Variants in TAGLN3 observed in about 807,000 individuals in gnomAD.
TAGLN3 encodes the protein transgelin 3.
TAGLN3 carries 12 observed loss-of-function variants against 25.4 expected under a neutral mutation model. That is an observed-to-expected ratio of 0.47 (90% CI 0.30 to 0.77). TAGLN3 has a LOEUF of 0.77. TAGLN3 is among the 30% of genes least tolerant of loss of function. The pLI, the probability that TAGLN3 is intolerant of heterozygous loss-of-function variation, is 0.06. For synonymous variants in TAGLN3, 96 were observed against 94.8 expected, an observed-to-expected ratio of 1.01 and a Z score of -0.08; for missense variants, 218 against 255.8, an observed-to-expected ratio of 0.85 and a Z score of 1.01.
In TAGLN3 at chr3:112,002,650, C is replaced by A. The variant is rs943139650; in HGVS notation, c.355+1704C>A. ...GGAAGGGACCCGGGTGAGTCCCCCC[C>A]CCACCCCACAAAGTGCAGGAAGTGT... On this transcript the variant is annotated intron_variant, in intron 3 of 4. Transcript: ENST00000478951. 2.0e-5 allele frequency among the ~76,000 whole-genome samples: 3 copies of A among 150,478 alleles called. 1 individual carries two copies. In the East Asian group the frequency reaches 5.9e-4, roughly 29 times the overall value.
chr3:111,999,741 A>G, intron 2 of TAGLN3, 139 bp downstream of exon 2: 1 of 1,157,120 alleles, frequency 8.6e-7, no homozygotes, highest in Non-Finnish European at 1.2e-6. Context: ...GAATGCCTTT[A>G]TTTCTTCAGG....
chr3:112,005,679 C>T (rs1393959322), intron 3 of TAGLN3, among the ~76,000 whole-genome samples: 2 of 148,650 alleles, frequency 1.3e-5, no homozygotes, highest in African/African-American at 2.5e-5. Flanking sequence ...GTCTGCTGCT[C>T]GAAGCCTAAT....
chr3:111,999,762 T>C (rs1436621016), intron 2 of TAGLN3, among the ~76,000 whole-genome samples, 160 bp downstream of exon 2: 1 of 152,154 alleles, frequency 6.6e-6, no homozygotes, highest in African/African-American at 2.4e-5. Flanking sequence ...GTTGGAAGAT[T>C]TGGGCTCCAT....
rs543110435 is a variant in TAGLN3, at chr3:112,008,692, G to A, written c.356-3071G>A. ...TGGAAAGAGGCCCTCTTCCCATCTT[G>A]TCAGTCCAAGAGTGCTGGAATTAGG... On this transcript the variant is annotated intron_variant, in intron 3 of 4. Transcript: ENST00000478951. 7.2e-5 allele frequency among the ~76,000 whole-genome samples: 11 copies of A among 152,228 alleles called. No individual in the cohort carries two copies. In the South Asian group the frequency reaches 2.3e-3, roughly 32 times the overall value.
At chr3:112,006,137 T>G (rs1172188851) in intron 3 of TAGLN3, among the ~76,000 whole-genome samples, 1 of 152,148 alleles carries the variant, frequency 6.6e-6, no homozygotes, top group Non-Finnish European at 1.5e-5. Flanking sequence ...TTGGTGGGTC[T>G]TTCCTTTAGC....
chr3:111,999,338 T>C, intron 1 of TAGLN3, 83 bp from the exon 2 acceptor site: 1 of 1,501,324 alleles, frequency 6.7e-7, no homozygotes. Context: ...TGCCCAGCCA[T>C]ATCCCAGCCC....
intron 3 of TAGLN3, among the ~76,000 whole-genome samples, chr3:112,006,508 C>A (rs2072918907): frequency 6.6e-6 from 1 of 152,214 alleles, no homozygotes; most frequent in African/African-American, 2.4e-5. Flanking sequence ...GACATGGTTT[C>A]ATACACTACT....
chr3:112,004,854 C>T (rs1365048505), intron 3 of TAGLN3, among the ~76,000 whole-genome samples: 2 of 149,908 alleles, frequency 1.3e-5, no homozygotes, highest in Non-Finnish European at 3.0e-5. Flanking sequence ...GCTGGTGTTG[C>T]GGGGGCGGGG....
At chr3:112,011,147 C>T (rs2072971395) in intron 3 of TAGLN3, among the ~76,000 whole-genome samples, 1 of 152,176 alleles carries the variant, frequency 6.6e-6, no homozygotes, top group Non-Finnish European at 1.5e-5. Context: ...GGTCAGTCAA[C>T]TGGAAGAGAA....
intron 3 of TAGLN3, among the ~76,000 whole-genome samples, chr3:112,003,020 T>C (rs190787613): frequency 1.3e-5 from 2 of 152,134 alleles, no homozygotes; most frequent in Admixed American, 1.3e-4. Flanking sequence ...CTCCCAGCCC[T>C]AGGGTAGAAA....
intron 4 of TAGLN3, 22 bp downstream of exon 4, chr3:112,011,887 C>G (rs367622627): frequency 3.1e-6 from 5 of 1,608,386 alleles, no homozygotes; most frequent in African/African-American, 1.3e-5. Flanking sequence ...TTCCTTGCCC[C>G]CTGGACCACA....
chr3:112,005,268 A>C (rs1482507203), intron 3 of TAGLN3, among the ~76,000 whole-genome samples: 1 of 152,234 alleles, frequency 6.6e-6, no homozygotes, highest in East Asian at 1.9e-4. Context: ...CCAGACACCT[A>C]ATAAATGTTG....
At chr3:112,006,574 A>G in intron 3 of TAGLN3, among the ~76,000 whole-genome samples, 1 of 152,246 alleles carries the variant, frequency 6.6e-6, no homozygotes, top group African/African-American at 2.4e-5. Flanking sequence ...TCTAAGAGTT[A>G]CAAGGCTGAG....
intron 3 of TAGLN3, among the ~76,000 whole-genome samples, chr3:112,005,709 T>C (rs979195339): frequency 6.8e-6 from 1 of 147,436 alleles, no homozygotes; most frequent in Non-Finnish European, 1.5e-5. Flanking sequence ...TTTCTTTTTT[T>C]TTTTTTTTGA....
Position 112,011,841 on chromosome 3 carries a change from G to C in TAGLN3, c.434G>C (p.Arg145Pro), listed in dbSNP as rs775195622. ...GTCACCAAGGATGATGGCTGCTATC[G>C]GGGAGAGCCATCCTGGTTTCACAGG... ...VAVTKDDGCYRGEPSWFHRKA... is the reference protein window; with the variant it reads ...VAVTKDDGCYPGEPSWFHRKA... The change falls in exon 4 of 5, where the codon CGG (arginine) becomes CCG (proline). Residue 145 changes from arginine to proline, a missense_variant. Transcript: ENST00000478951. 1 of 1,613,830 alleles carries C rather than the reference G, an allele frequency of 6.2e-7. No homozygotes were observed. Among genetic ancestry groups the C allele is most frequent in the Non-Finnish European group, 8.5e-7 (1 of 1,179,844 alleles).
chr3:112,012,280 TTCCCTCCC>T (rs1378005844), intron 4 of TAGLN3, among the ~76,000 whole-genome samples: 1 of 86,162 alleles, frequency 1.2e-5, no homozygotes, highest in Admixed American at 1.4e-4. Context: ...TCCTTCCTCC[TTCCCTCCC>T]TCCCTCCCTC....
intron 3 of TAGLN3, among the ~76,000 whole-genome samples, chr3:112,002,515 C>G (rs2072871999): frequency 6.6e-6 from 1 of 152,006 alleles, no homozygotes; most frequent in Admixed American, 6.6e-5. Flanking sequence ...GCTGTTGAAT[C>G]ATAATGGTGA....
chr3:112,008,596 T>A (rs1321928265), intron 3 of TAGLN3, among the ~76,000 whole-genome samples: 1 of 152,164 alleles, frequency 6.6e-6, no homozygotes, highest in Non-Finnish European at 1.5e-5. Context: ...TGGCCCTGAC[T>A]CCTGTGTGCC....
chr3:112,009,697 G>A (rs1454075494), intron 3 of TAGLN3, among the ~76,000 whole-genome samples: 1 of 152,180 alleles, frequency 6.6e-6, no homozygotes, highest in East Asian at 1.9e-4. Context: ...ATGAGGTTGA[G>A]ATGACATATA....
Sources: allele counts gnomAD v4.1 joint callset (sites outside exome capture counted in the v4.1 genomes callset), GRCh38; gene constraint gnomAD v4.1.1; transcripts MANE v1.5; gene names NCBI Gene and HGNC (gene_info 2026-07-23, HGNC 2026-07-21).